The following XRRA1 variants were observed in gnomAD, a reference collection of about 807,000 sequenced individuals.
XRRA1 encodes X-ray radiation resistance associated 1.
In XRRA1, 69 loss-of-function variants were observed where a neutral mutation model predicts 80.2. The ratio of observed to expected loss-of-function variants is 0.86; its 90% CI spans 0.71 to 1.05. The LOEUF is 1.05. Among genes scored for constraint, XRRA1 ranks in the 50% least tolerant of loss-of-function variants. The pLI, the probability that XRRA1 is intolerant of heterozygous loss-of-function variation, is 0.00. For missense variants in XRRA1, 967 were observed against 976.4 expected, an observed-to-expected ratio of 0.99 and a Z score of 0.13; for synonymous variants, 348 against 389.9, an observed-to-expected ratio of 0.89 and a Z score of 1.27.
chr11:74,936,917 G>T lies in XRRA1; in HGVS notation c.246C>A (p.Asp82Glu), dbSNP rs756055897. The T allele has an allele frequency of 3.1e-6, 5 of 1,613,498 alleles. No homozygotes were observed. The highest frequency in any genetic ancestry group is 1.7e-4 in the Middle Eastern group (1 of 6,058). ...CCTGGTCCAGGATATGTCCAGGAAG[G>T]TCCACCTGATTTTCCCGCCGAGACT... ...KKESRRENQV[D>E]LPGHILDQAF... Residue 82 changes from aspartate to glutamate, a missense_variant, in exon 4 of 19, where the codon GAC (aspartate) becomes GAA (glutamate). By Grantham distance (45) the Asp-to-Glu change is conservative. Coordinates refer to ENST00000684022, the MANE Select transcript of XRRA1 (RefSeq NM_001378157.1).
At chr11:74,930,954 G>A (rs1025382011) in intron 5 of XRRA1, among the ~76,000 whole-genome samples, 3 of 151,848 alleles carry the variant, frequency 2.0e-5, no homozygotes, top group Non-Finnish European at 4.4e-5. Context: ...GCAGGCACAC[G>A]CCACCAAGAC....
intron 8 of XRRA1, chr11:74,919,902 G>A (rs562199280): frequency 3.6e-4 from 137 of 377,322 alleles, no homozygotes; most frequent in Middle Eastern, 1.5e-3. Flanking sequence ...TCTGTACTTC[G>A]GTTACCTATG....
Position 74,863,041 on chromosome 11 carries a change from G to A in XRRA1, c.1004-20C>T, listed in dbSNP as rs1207279425. 6.3e-7 allele frequency: 1 copy of A among 1,596,786 alleles called. No homozygotes were observed. The highest frequency in any genetic ancestry group is 1.7e-5 in the Admixed American group (1 of 57,694). On this transcript the variant is annotated intron_variant, in intron 10 of 18. Transcript: ENST00000684022. ...CAACCTCTGAAACAGAAGAGAAACA[G>A]AATGAAGGTTGGTGAGACCGCTGAT...
chr11:74,909,611 T>G (rs1591320276), intron 8 of XRRA1, among the ~76,000 whole-genome samples: 2 of 152,092 alleles, frequency 1.3e-5, no homozygotes, highest in Admixed American at 1.3e-4. Context: ...AGCCATCAGA[T>G]GGGTGAGAAG....
chr11:74,893,754 G>A (rs1024581383), intron 10 of XRRA1, among the ~76,000 whole-genome samples: 7 of 152,178 alleles, frequency 4.6e-5, no homozygotes, highest in Admixed American at 1.3e-4. Context: ...AACAGATGCT[G>A]TCAAAGTTGT....
At chr11:74,892,354 G>A (rs2137368128) in intron 10 of XRRA1, among the ~76,000 whole-genome samples, 2 of 152,332 alleles carry the variant, frequency 1.3e-5, no homozygotes, top group African/African-American at 4.8e-5. Flanking sequence ...CTAGCCATAT[G>A]TAGAAAGCTG....
At chr11:74,859,671 G>A (rs1445346168) in intron 11 of XRRA1, among the ~76,000 whole-genome samples, 1 of 152,080 alleles carries the variant, frequency 6.6e-6, no homozygotes, top group Non-Finnish European at 1.5e-5. Flanking sequence ...GAAGGCAAAG[G>A]GGAAGGTGCT....
intron 9 of XRRA1, chr11:74,906,903 T>G: frequency 2.0e-6 from 1 of 495,942 alleles, no homozygotes; most frequent in South Asian, 3.5e-5. Context: ...TCTCCTCCTG[T>G]TTTCCTTTCT....
At position 74,845,094 on chromosome 11, in the gene XRRA1, G is replaced by T. The variant is rs1261583955; in HGVS notation, c.1906C>A (p.Pro636Thr). ...YEELLTAKPDPAFIEPKGIQK... is the reference protein window; with the variant it reads ...YEELLTAKPDTAFIEPKGIQK... ...ATACCCTTTGGCTCAATGAAGGCTGGATCAGGCTTGGCTGTCAGCAGTTCT... is the reference window on the plus strand; with the variant it reads ...ATACCCTTTGGCTCAATGAAGGCTGTATCAGGCTTGGCTGTCAGCAGTTCT... The change falls in exon 16 of 19, where the codon CCA becomes ACA. Residue 636 changes from proline (P) to threonine (T), a missense_variant. Transcript: ENST00000684022. 3.7e-6 allele frequency: 6 copies of T among 1,613,798 alleles called. No homozygotes were observed. Among genetic ancestry groups the T allele is most frequent in the Non-Finnish European group, 5.1e-6 (6 of 1,179,902 alleles).
At chr11:74,898,160 A>G (rs1006172643) in intron 10 of XRRA1, among the ~76,000 whole-genome samples, 2 of 152,026 alleles carry the variant, frequency 1.3e-5, no homozygotes, top group Admixed American at 1.3e-4. Flanking sequence ...TTCTTTTGAC[A>G]TGTTTGTTTG....
At chr11:74,875,487 G>A (rs1377818580) in intron 10 of XRRA1, among the ~76,000 whole-genome samples, 8 of 152,160 alleles carry the variant, frequency 5.3e-5, no homozygotes, top group African/African-American at 1.9e-4. Context: ...CTTTTCACTT[G>A]GGAAAGGATA....
intron 10 of XRRA1, among the ~76,000 whole-genome samples, chr11:74,885,100 C>T (rs190612372): frequency 4.6e-5 from 7 of 151,806 alleles, no homozygotes; most frequent in Admixed American, 6.6e-5. Flanking sequence ...CTTGTCTCTA[C>T]AAAATATCAA....
chr11:74,940,645 G>C, intron 3 of XRRA1, 140 bp downstream of exon 3: 1 of 672,586 alleles, frequency 1.5e-6, no homozygotes, highest in Non-Finnish European at 2.6e-6. Flanking sequence ...TCCCATGGAG[G>C]CTACTAGGAC....
chr11:74,864,635 A>G (rs762918222), intron 10 of XRRA1, among the ~76,000 whole-genome samples: 4 of 152,148 alleles, frequency 2.6e-5, no homozygotes, highest in Non-Finnish European at 4.4e-5. Flanking sequence ...CTGCAACCAA[A>G]ACCATCTGCA....
At chr11:74,857,295 T>C (rs549213567) in intron 12 of XRRA1, among the ~76,000 whole-genome samples, 1 of 151,508 alleles carries the variant, frequency 6.6e-6, no homozygotes, top group East Asian at 1.9e-4. Flanking sequence ...TGCAAGTAAA[T>C]GGACAGAAAG....
intron 1 of XRRA1, among the ~76,000 whole-genome samples, chr11:74,946,927 A>G (rs557610639): frequency 6.6e-6 from 1 of 151,810 alleles, no homozygotes; most frequent in East Asian, 2.0e-4. Flanking sequence ...AATTTTTTGT[A>G]TTTTTAGTAG....
At chr11:74,941,463 A>G (rs1946325922) in intron 2 of XRRA1, among the ~76,000 whole-genome samples, 1 of 152,216 alleles carries the variant, frequency 6.6e-6, no homozygotes, top group South Asian at 2.1e-4. Context: ...AGCAAGGGCC[A>G]CAGGAGGGCA....
At chr11:74,939,334 A>G (rs1309385771) in intron 3 of XRRA1, among the ~76,000 whole-genome samples, 1 of 152,250 alleles carries the variant, frequency 6.6e-6, no homozygotes, top group African/African-American at 2.4e-5. Context: ...TCTGGGCAAC[A>G]GAGAGAGACT....
intron 8 of XRRA1, chr11:74,919,525 G>T: frequency 3.0e-6 from 1 of 337,802 alleles, no homozygotes. Flanking sequence ...TTGTATTTCT[G>T]TCTACAGCCT....
Sources: allele counts gnomAD v4.1 joint callset (sites outside exome capture counted in the v4.1 genomes callset), GRCh38; gene constraint gnomAD v4.1.1; transcripts MANE v1.5; gene names NCBI Gene and HGNC (gene_info 2026-07-23, HGNC 2026-07-21).